Variants in FMNL3 observed in about 807,000 individuals in gnomAD.
The protein encoded by FMNL3 is formin-like protein 3.
FMNL3 carries 57 observed loss-of-function variants against 119.6 expected under a neutral mutation model. The observed-to-expected ratio is 0.48, with a 90% CI of 0.39 to 0.59. FMNL3 has a LOEUF of 0.59. Ranked by LOEUF, FMNL3 falls within the 20% of genes least tolerant of loss-of-function variation. The probability of loss-of-function intolerance (pLI) is 0.00; values close to 1 mark genes in which losing one functional copy is unlikely to be tolerated. For synonymous variants in FMNL3, 491 were observed against 507.3 expected (o/e 0.97, Z 0.43); for missense variants, 1,053 against 1,323.5 (o/e 0.80, Z 3.17).
chr12:49,698,410 C>A (rs1212824831), intron 1 of FMNL3, among the ~76,000 whole-genome samples: 6 of 151,978 alleles, frequency 3.9e-5, no homozygotes, highest in African/African-American at 1.2e-4. Context: ...GCTAGCCCCT[C>A]GTGGTTCTGG....
Position 49,637,775 on chromosome 12 carries a change from TGAAGGCAC to T in FMNL3, c.*8032_*8039del. Reference sequence around the variant, plus strand: ...TTATTCAAGTTCTATGTGGAGGAGTTGAAGGCACGATTCCATGATGAAAAGAAGATCAT... The same window carrying T: ...TTATTCAAGTTCTATGTGGAGGAGTTGATTCCATGATGAAAAGAAGATCAT... On this transcript the variant is annotated 3_prime_UTR_variant, in exon 26 of 26. Transcript: ENST00000335154. 4.3e-6 allele frequency: 7 copies of T among 1,612,742 alleles called. No homozygotes were observed. The highest frequency in any genetic ancestry group is 5.9e-6 in the Non-Finnish European group (7 of 1,179,018).
intron 1 of FMNL3, among the ~76,000 whole-genome samples, chr12:49,672,844 C>CA (rs1197265997): frequency 3.9e-5 from 6 of 152,104 alleles, no homozygotes; most frequent in Non-Finnish European, 8.8e-5. Context: ...GGGGAAAACC[C>CA]AAAAAACAGA....
chr12:49,665,956 A>C (rs1592663100), intron 3 of FMNL3, 48 bp from the exon 4 acceptor site: 1 of 1,600,266 alleles, frequency 6.2e-7, no homozygotes, highest in African/African-American at 1.3e-5. Context: ...GCAGTTATAG[A>C]CTTTCCCTCC....
chr12:49,656,410 G>A lies in FMNL3; in HGVS notation c.879C>T (p.Phe293=). ...GCGAAGCGAAAAGACTGACCTCTTT[G>A]AAATTGTCAAAGGCAGCAAGGATGA... ...HEIILAAFDN[F]KEVCKELHRF... The change falls in exon 9 of 26, where the codon TTC becomes TTT. Residue 293 remains phenylalanine, a synonymous_variant. Transcript: ENST00000335154. 6.2e-7 allele frequency: 1 copy of A among 1,613,782 alleles called. No individual in the cohort carries two copies. The highest frequency in any genetic ancestry group is 1.1e-5 in the South Asian group (1 of 91,030).
Position 49,643,074 on chromosome 12 carries a change from C to G in FMNL3, c.*2741G>C. 6.3e-7 allele frequency: 1 copy of G among 1,594,686 alleles called. No homozygotes were observed. Among genetic ancestry groups the G allele is most frequent in the South Asian group, 1.1e-5 (1 of 90,260 alleles). ...AGCTGGGTTGTTTTGGGGAAATAAA[C>G]ACTTTGTTTTCCCCTTACAATATCT... On this transcript the variant is annotated 3_prime_UTR_variant, in exon 26 of 26. Coordinates refer to ENST00000335154, the MANE Select transcript of FMNL3 (RefSeq NM_175736.5).
At chr12:49,674,765 G>A (rs763736195) in intron 1 of FMNL3, among the ~76,000 whole-genome samples, 1 of 152,212 alleles carries the variant, frequency 6.6e-6, no homozygotes, top group Non-Finnish European at 1.5e-5. Flanking sequence ...AACCATGTCT[G>A]GAGAACGTGC....
chr12:49,684,738 C>A (rs1356802816), intron 1 of FMNL3, among the ~76,000 whole-genome samples: 1 of 152,186 alleles, frequency 6.6e-6, no homozygotes, highest in Admixed American at 6.5e-5. Context: ...ATCTGGAACT[C>A]ATGACAGATG....
At chr12:49,672,718 A>G (rs1219994331) in intron 1 of FMNL3, among the ~76,000 whole-genome samples, 1 of 152,026 alleles carries the variant, frequency 6.6e-6, no homozygotes, top group Non-Finnish European at 1.5e-5. Flanking sequence ...GCCCCTCCTC[A>G]TTTCCTTCCC....
chr12:49,645,837 G>T lies in FMNL3; in HGVS notation c.3062C>A (p.Pro1021His). The change falls in exon 26 of 26, where the codon CCT becomes CAT. Residue 1021 changes from proline (P) to histidine (H), a missense_variant. Around this residue, in one of 4 missense-constraint regions of FMNL3, gnomAD observed 324 missense variants for 380.9 expected, o/e 0.85. Transcript: ENST00000335154. The part of the protein sequence containing the change: ...ARSAAPPSGP[P>H]RAPGPH ...GTCTCAGTGGGGGCCTGGAGCCCGAGGGGGACCACTGGGCGGTGCAGCACT... is the reference window on the plus strand; with the variant it reads ...GTCTCAGTGGGGGCCTGGAGCCCGATGGGGACCACTGGGCGGTGCAGCACT... 1.9e-6 allele frequency: 3 copies of T among 1,603,428 alleles called. No individual in the cohort carries two copies. The highest frequency in any genetic ancestry group is 2.6e-6 in the Non-Finnish European group (3 of 1,176,442).
chr12:49,646,186 C>T (rs1286858741), intron 25 of FMNL3, among the ~76,000 whole-genome samples: 2 of 152,034 alleles, frequency 1.3e-5, no homozygotes, highest in African/African-American at 4.8e-5. Context: ...AGGAAAAGAC[C>T]CCAGGCTGAC....
At chr12:49,696,874 G>C (rs1285769502) in intron 1 of FMNL3, among the ~76,000 whole-genome samples, 1 of 152,210 alleles carries the variant, frequency 6.6e-6, no homozygotes, top group Non-Finnish European at 1.5e-5. Flanking sequence ...AGGATCAAGA[G>C]TACTAAAACT....
chr12:49,643,520 G>A lies in FMNL3; in HGVS notation c.*2295C>T. 1 of 1,397,400 alleles carries A rather than the reference G, an allele frequency of 7.2e-7. No homozygotes were observed. The highest frequency in any genetic ancestry group is 9.6e-7 in the Non-Finnish European group (1 of 1,036,426). 86.6% of individuals were successfully genotyped at this position (1,397,400 alleles called of 1,614,324 possible). On this transcript the variant is annotated 3_prime_UTR_variant, in exon 26 of 26. Transcript: ENST00000335154. The stretch of plus-strand genomic sequence containing the variant: ...TGGGAGGGCTGCACCTGTGGAAGTA[G>A]AAAGAACTTCCTCTACCTGCCCAAG...
intron 25 of FMNL3, 176 bp downstream of exon 25, chr12:49,646,710 G>C: frequency 6.5e-7 from 1 of 1,544,804 alleles, no homozygotes; most frequent in Non-Finnish European, 8.7e-7. Flanking sequence ...AGAAGCGTGA[G>C]CCCCGCTTGG....
At position 49,646,968 on chromosome 12, in the gene FMNL3, T is replaced by C. The variant is rs760912662; in HGVS notation, c.2913A>G (p.Ile971Met). The stretch of plus-strand genomic sequence containing the variant: ...TGGCCTGGCGCCGCCTCAACTCTGC[T>C]ATTAACTCCTGCTGTTGCCACTTGT... ...QRNKWQQQEL[I>M]AELRRRQAKE... The change falls in exon 25 of 26, where the codon ATA (isoleucine) becomes ATG (methionine). Residue 971 changes from isoleucine (I) to methionine (M), a missense_variant. Around this residue, in one of 4 missense-constraint regions of FMNL3, gnomAD observed 324 missense variants for 380.9 expected, o/e 0.85. Transcript: ENST00000335154. The C allele has an allele frequency of 6.2e-7, 1 of 1,614,120 alleles. No homozygotes were observed. Among genetic ancestry groups the C allele is most frequent in the Non-Finnish European group, 8.5e-7 (1 of 1,180,004 alleles).
intron 1 of FMNL3, among the ~76,000 whole-genome samples, chr12:49,673,688 T>G (rs1379948136): frequency 1.3e-5 from 2 of 152,172 alleles, no homozygotes; most frequent in Non-Finnish European, 2.9e-5. Context: ...ACAATGAGAG[T>G]TATTTTCAGC....
Position 49,676,520 on chromosome 12 carries a change from GTTTTTTTTTTT to G in FMNL3, c.127-7977_127-7967del, listed in dbSNP as rs58117011. Among the ~76,000 whole-genome samples the G allele has an allele frequency of 1.5e-4, 15 of 103,018 alleles. No individual in the cohort carries two copies. In the South Asian group the frequency reaches 2.6e-3, roughly 18 times the overall value. 67.6% of individuals were successfully genotyped at this position (103,018 alleles called of 152,430 possible). On this transcript the variant is annotated intron_variant, in intron 1 of 25. Coordinates refer to ENST00000335154, the MANE Select transcript of FMNL3 (RefSeq NM_175736.5). ...GCACAAATTGAATGTTTCATAGTGG[GTTTTTTTTTTT>G]TTTTTTTTTTTTTGCATATGCTTTC...
intron 1 of FMNL3, among the ~76,000 whole-genome samples, chr12:49,696,428 T>A: frequency 6.6e-6 from 1 of 152,240 alleles, no homozygotes; most frequent in East Asian, 1.9e-4. Flanking sequence ...TCTCGTTTGA[T>A]TGAAAAATCT....
At chr12:49,660,372 A>G (rs894447459) in intron 5 of FMNL3, among the ~76,000 whole-genome samples, 5 of 152,202 alleles carry the variant, frequency 3.3e-5, no homozygotes, top group Non-Finnish European at 7.3e-5. Context: ...ATTTGGAAAA[A>G]TGAGCTACAT....
chr12:49,678,723 A>T (rs1273709366), intron 1 of FMNL3, among the ~76,000 whole-genome samples: 3 of 152,164 alleles, frequency 2.0e-5, no homozygotes, highest in Non-Finnish European at 4.4e-5. Context: ...TTGGCCTCCC[A>T]AAATTTTAAG....
Sources: allele counts gnomAD v4.1 joint callset (sites outside exome capture counted in the v4.1 genomes callset), GRCh38; gene constraint gnomAD v4.1.1; regional missense constraint gnomAD v4.1.1; transcripts MANE v1.5; gene names NCBI Gene and HGNC (gene_info 2026-07-23, HGNC 2026-07-21).